SNTB1: variants seen among roughly 807,000 people sequenced by gnomAD.
The protein encoded by SNTB1 is syntrophin beta 1.
Under a neutral mutation model 48.9 loss-of-function variants are expected in SNTB1, and 36 were observed. The ratio of observed to expected loss-of-function variants is 0.74; its 90% CI spans 0.56 to 0.97. The LOEUF is 0.97. Ranked by LOEUF, SNTB1 falls within the 50% of genes least tolerant of loss-of-function variation. SNTB1 has a pLI of 0.00. For synonymous variants in SNTB1, 299 were observed against 294.6 expected, an observed-to-expected ratio of 1.01 and a Z score of -0.15; for missense variants, 786 against 703.4, an observed-to-expected ratio of 1.12 and a Z score of -1.33.
chr8:120,650,663 C>T (rs1817398157), intron 2 of SNTB1, among the ~76,000 whole-genome samples: 1 of 152,160 alleles, frequency 6.6e-6, no homozygotes, highest in South Asian at 2.1e-4. Context: ...ATCTCCATTG[C>T]CTGGCATTAA....
chr8:120,623,080 T>C (rs899461479), intron 3 of SNTB1, among the ~76,000 whole-genome samples: 1 of 152,232 alleles, frequency 6.6e-6, no homozygotes, highest in African/African-American at 2.4e-5. Flanking sequence ...AGATTTCAGC[T>C]AATACTACAT....
chr8:120,611,588 C>T (rs1480402351), intron 3 of SNTB1, among the ~76,000 whole-genome samples: 2 of 151,670 alleles, frequency 1.3e-5, no homozygotes, highest in South Asian at 2.1e-4. Context: ...CTTTGGGAGG[C>T]GAGGTGGGCA....
chr8:120,792,059 C>A (rs894417210), intron 1 of SNTB1, among the ~76,000 whole-genome samples: 1 of 151,306 alleles, frequency 6.6e-6, no homozygotes, highest in Admixed American at 6.6e-5. Flanking sequence ...GCTCATCAAC[C>A]GATGAGTGGG....
chr8:120,749,583 C>G (rs532184382), intron 1 of SNTB1, among the ~76,000 whole-genome samples: 2 of 151,838 alleles, frequency 1.3e-5, no homozygotes, highest in African/African-American at 2.4e-5. Flanking sequence ...GTGAAGAGGC[C>G]CTCTCTTGTG....
At chr8:120,542,071 A>G in intron 5 of SNTB1, 71 bp from the exon 6 acceptor site, 1 of 1,218,568 alleles carries the variant, frequency 8.2e-7, no homozygotes, top group Non-Finnish European at 1.2e-6. Flanking sequence ...CCAATCACTC[A>G]CTTCTTGCCT....
chr8:120,648,642 G>A (rs1817347034), intron 2 of SNTB1, among the ~76,000 whole-genome samples: 1 of 151,812 alleles, frequency 6.6e-6, no homozygotes, highest in East Asian at 1.9e-4. Flanking sequence ...ACAATTGTGT[G>A]TCTTGGAGTT....
chr8:120,621,892 C>A (rs1816799011), intron 3 of SNTB1, among the ~76,000 whole-genome samples: 1 of 152,192 alleles, frequency 6.6e-6, no homozygotes, highest in Non-Finnish European at 1.5e-5. Context: ...CCCAGCAAAG[C>A]CACTTTGAAC....
At chr8:120,545,980 T>C (rs1815373918) in intron 5 of SNTB1, among the ~76,000 whole-genome samples, 1 of 152,190 alleles carries the variant, frequency 6.6e-6, no homozygotes, top group African/African-American at 2.4e-5. Context: ...ATGAGGAAAC[T>C]AACACATTCA....
At chr8:120,758,755 T>C (rs760810885) in intron 1 of SNTB1, among the ~76,000 whole-genome samples, 11 of 152,116 alleles carry the variant, frequency 7.2e-5, no homozygotes, top group Non-Finnish European at 1.5e-4. Flanking sequence ...AACCTTAATA[T>C]ACTGTGGCCT....
chr8:120,630,500 T>A (rs549419588), intron 3 of SNTB1, among the ~76,000 whole-genome samples: 1 of 152,308 alleles, frequency 6.6e-6, no homozygotes, highest in Admixed American at 6.5e-5. Context: ...TATTCCTGCA[T>A]TAAATCCTTT....
intron 1 of SNTB1, among the ~76,000 whole-genome samples, chr8:120,793,189 A>T (rs1269486619): frequency 6.6e-6 from 1 of 151,944 alleles, no homozygotes; most frequent in East Asian, 1.9e-4. Flanking sequence ...GTGGAGAGTA[A>T]GTCTGGGAAA....
At chr8:120,772,611 A>G (rs1334639302) in intron 1 of SNTB1, among the ~76,000 whole-genome samples, 1 of 152,180 alleles carries the variant, frequency 6.6e-6, no homozygotes, top group Non-Finnish European at 1.5e-5. Context: ...GCAAAGGAGG[A>G]GGATAAATGT....
chr8:120,575,712 C>T (rs569878364), intron 3 of SNTB1, among the ~76,000 whole-genome samples: 1 of 152,316 alleles, frequency 6.6e-6, no homozygotes, highest in East Asian at 1.9e-4. Flanking sequence ...GTCTTTTGCT[C>T]TTAGATTGGT....
chr8:120,709,260 T>C (rs1818424580), intron 1 of SNTB1, among the ~76,000 whole-genome samples: 1 of 152,172 alleles, frequency 6.6e-6, no homozygotes, highest in African/African-American at 2.4e-5. Context: ...AAATTTCCTA[T>C]TCTATAAAAT....
rs183527343 is a variant in SNTB1, at chr8:120,654,230, G to A, written c.789-21579C>T. ...GGACAGTACCCTCGACTTCCTTCTT[G>A]GGGTAAAGAAAATCTAGACAACTTC... On this transcript the variant is annotated intron_variant, in intron 2 of 6. Coordinates refer to ENST00000517992, the MANE Select transcript of SNTB1 (RefSeq NM_021021.4). Among the ~76,000 whole-genome samples the A allele has an allele frequency of 3.9e-5, 6 of 151,902 alleles. No individual in the cohort carries two copies. The East Asian group carries it at 9.7e-4, about 25-fold the overall frequency.
At chr8:120,725,466 T>C (rs771957228) in intron 1 of SNTB1, among the ~76,000 whole-genome samples, 4 of 152,180 alleles carry the variant, frequency 2.6e-5, no homozygotes, top group Non-Finnish European at 4.4e-5. Flanking sequence ...CTTTGAGTAA[T>C]TTGATGGAAA....
At chr8:120,690,784 T>C (rs1394079166) in intron 2 of SNTB1, among the ~76,000 whole-genome samples, 1 of 152,254 alleles carries the variant, frequency 6.6e-6, no homozygotes, top group Non-Finnish European at 1.5e-5. Context: ...GCTCAGCCTG[T>C]ACCTGGAGTT....
chr8:120,557,564 C>A (rs1216665874), intron 4 of SNTB1, among the ~76,000 whole-genome samples: 1 of 152,192 alleles, frequency 6.6e-6, no homozygotes, highest in Admixed American at 6.5e-5. Flanking sequence ...TCTACTGGAG[C>A]TCAAGACCAT....
chr8:120,541,986 T>G lies in SNTB1; in HGVS notation c.1348A>C (p.Asn450His). The G allele has an allele frequency of 1.2e-6, 2 of 1,613,484 alleles. No individual in the cohort carries two copies. Among genetic ancestry groups the G allele is most frequent in the South Asian group, 2.2e-5 (2 of 90,928 alleles). ...AEISTACTYK[N>H]QECRLTIHYE... The stretch of plus-strand genomic sequence containing the variant: ...TGTATGGTCAAACGGCACTCCTGGT[T>G]TTTGTAGGTGCAAGCTGAGAGAGAA... Residue 450 changes from asparagine to histidine, a missense_variant, in exon 6 of 7, where the codon AAC (asparagine) becomes CAC (histidine). By Grantham distance (68) the Asn-to-His change is moderately conservative (BLOSUM62 1). Coordinates refer to ENST00000517992, the MANE Select transcript of SNTB1 (RefSeq NM_021021.4).
Sources: allele counts gnomAD v4.1 joint callset (sites outside exome capture counted in the v4.1 genomes callset), GRCh38; gene constraint gnomAD v4.1.1; transcripts MANE v1.5; gene names NCBI Gene and HGNC (gene_info 2026-07-23, HGNC 2026-07-21).